The following ASTN2 variants were observed in gnomAD, a reference collection of about 807,000 sequenced individuals.
ASTN2 encodes the protein astrotactin 2, also known as astrotactin-2.
In ASTN2, 54 loss-of-function variants were observed where a neutral mutation model predicts 139.8. That is an observed-to-expected ratio of 0.39 (90% CI 0.31 to 0.48). ASTN2 has a LOEUF of 0.48. Ranked by LOEUF, ASTN2 falls within the 20% of genes least tolerant of loss-of-function variation. ASTN2 has a pLI of 0.95. For synonymous variants in ASTN2, 756 were observed against 719.5 expected (o/e 1.05, Z -0.81); for missense variants, 1,565 against 1,725.1 (o/e 0.91, Z 1.64).
chr9:117,214,664 G>A lies in ASTN2; in HGVS notation c.709C>T (p.Arg237Cys), dbSNP rs773241747. 14 of 1,544,870 alleles carry A rather than the reference G, an allele frequency of 9.1e-6. No homozygotes were observed. The South Asian group carries it at 1.2e-4, about 14-fold the overall frequency. The change falls in exon 3 of 23, where the codon CGC becomes TGC. Residue 237 changes from arginine to cysteine, a missense_variant. Transcript: ENST00000313400. The part of the protein sequence containing the change: ...LYAQRRWQKR[R>C]RIPQKSASTE... ...CTTGCGCTCTTCTGGGGGATGCGGC[G>A]ACGCTTCTGCCAACGTCGCTGGGCG...
intron 3 of ASTN2, among the ~76,000 whole-genome samples, chr9:117,143,817 A>AG (rs923214100): frequency 1.1e-4 from 13 of 114,442 alleles, no homozygotes; most frequent in East Asian, 2.4e-4. Context: ...AGAGAGAGAG[A>AG]AAAAAAAAAC....
intron 11 of ASTN2, among the ~76,000 whole-genome samples, chr9:116,828,756 A>T (rs1831715978): frequency 6.6e-6 from 1 of 152,190 alleles, no homozygotes; most frequent in South Asian, 2.1e-4. Flanking sequence ...GGAAAAGAAG[A>T]AGTCAAATTA....
chr9:117,225,062 T>G (rs535095064), intron 2 of ASTN2, among the ~76,000 whole-genome samples: 3 of 152,264 alleles, frequency 2.0e-5, no homozygotes, highest in South Asian at 2.1e-4. Flanking sequence ...TGAGAGGCAA[T>G]GAAAGGAAGG....
At chr9:116,609,101 A>G (rs1265879212) in intron 19 of ASTN2, among the ~76,000 whole-genome samples, 1 of 152,032 alleles carries the variant, frequency 6.6e-6, no homozygotes, top group African/African-American at 2.4e-5. Context: ...GTAACAACTT[A>G]AAGTGACTGA....
intron 3 of ASTN2, among the ~76,000 whole-genome samples, chr9:117,205,651 A>G (rs1831893619): frequency 6.6e-6 from 1 of 152,192 alleles, no homozygotes. Context: ...GCCTCAGAGG[A>G]GAATCTCAGG....
chr9:117,057,072 T>A (rs1186763274), intron 5 of ASTN2, among the ~76,000 whole-genome samples: 6 of 152,202 alleles, frequency 3.9e-5, no homozygotes, highest in Non-Finnish European at 8.8e-5. Flanking sequence ...GTTGGAACAG[T>A]TACTTAATTT....
At chr9:116,929,972 T>G (rs181143536) in intron 10 of ASTN2, among the ~76,000 whole-genome samples, 1 of 152,188 alleles carries the variant, frequency 6.6e-6, no homozygotes, top group East Asian at 1.9e-4. Context: ...CAGCTGTCAG[T>G]CCCCTGATAC....
intron 19 of ASTN2, among the ~76,000 whole-genome samples, chr9:116,594,931 A>C (rs1370224165): frequency 6.6e-6 from 1 of 152,238 alleles, no homozygotes; most frequent in African/African-American, 2.4e-5. Context: ...TTTTATTAAA[A>C]TAAATAAATA....
At chr9:117,198,268 G>A (rs1308535742) in intron 3 of ASTN2, among the ~76,000 whole-genome samples, 4 of 152,102 alleles carry the variant, frequency 2.6e-5, no homozygotes, top group Non-Finnish European at 4.4e-5. Context: ...TTATGAGTGA[G>A]AACATGTGGG....
chr9:117,052,572 G>C (rs1342747549), intron 5 of ASTN2, among the ~76,000 whole-genome samples: 2 of 152,044 alleles, frequency 1.3e-5, no homozygotes, highest in South Asian at 2.1e-4. Flanking sequence ...AAATTCTGTT[G>C]TTTGCACTCA....
At chr9:117,177,972 C>T (rs1020755689) in intron 3 of ASTN2, among the ~76,000 whole-genome samples, 7 of 152,158 alleles carry the variant, frequency 4.6e-5, no homozygotes, top group Admixed American at 1.3e-4. Context: ...TCCAAGGCCC[C>T]GTGTGATCGG....
At chr9:117,106,447 C>T (rs968642661) in intron 4 of ASTN2, among the ~76,000 whole-genome samples, 2 of 152,020 alleles carry the variant, frequency 1.3e-5, no homozygotes, top group South Asian at 2.1e-4. Context: ...TATCCACCCC[C>T]CTCAGCCTCC....
intron 10 of ASTN2, among the ~76,000 whole-genome samples, chr9:116,965,818 T>C (rs1835996447): frequency 6.6e-6 from 1 of 152,182 alleles, no homozygotes; most frequent in Non-Finnish European, 1.5e-5. Flanking sequence ...GGTAGATGGA[T>C]GGGGTCTTGA....
intron 10 of ASTN2, among the ~76,000 whole-genome samples, chr9:116,957,473 A>G (rs1292088647): frequency 1.3e-5 from 2 of 152,218 alleles, no homozygotes; most frequent in African/African-American, 4.8e-5. Context: ...TGTTCCACTA[A>G]TGTTTTTACA....
intron 2 of ASTN2, among the ~76,000 whole-genome samples, chr9:117,247,615 A>ACAAAAT (rs1564502640): frequency 6.6e-6 from 1 of 152,220 alleles, no homozygotes; most frequent in African/African-American, 2.4e-5. Flanking sequence ...AAAAACAAAA[A>ACAAAAT]CAAAAACTGT....
chr9:117,212,248 A>G (rs1832158698), intron 3 of ASTN2, among the ~76,000 whole-genome samples: 1 of 152,160 alleles, frequency 6.6e-6, no homozygotes, highest in East Asian at 1.9e-4. Flanking sequence ...TTTACCCAAT[A>G]AAAAATTAAT....
intron 22 of ASTN2, among the ~76,000 whole-genome samples, chr9:116,431,935 T>G (rs185109128): frequency 3.9e-4 from 60 of 152,248 alleles, no homozygotes; most frequent in African/African-American, 1.4e-3. Flanking sequence ...AAAGCTAAAG[T>G]CCTCTAAATT....
chr9:116,840,783 G>A (rs1832221932), intron 11 of ASTN2, among the ~76,000 whole-genome samples: 1 of 149,760 alleles, frequency 6.7e-6, no homozygotes, highest in Non-Finnish European at 1.5e-5. Flanking sequence ...GACGATGGGC[G>A]GCAGGGCAGA....
chr9:117,178,033 A>T (rs1441425789), intron 3 of ASTN2, among the ~76,000 whole-genome samples: 1 of 151,942 alleles, frequency 6.6e-6, no homozygotes, highest in African/African-American at 2.4e-5. Context: ...ACCTTTTCTT[A>T]CCCACTCCAT....
Sources: gnomAD v4.1 joint callset for allele counts (sites outside exome capture counted in the v4.1 genomes callset) on GRCh38, gnomAD v4.1.1 for gene constraint, MANE v1.5 for transcripts, NCBI Gene and HGNC (gene_info 2026-07-23, HGNC 2026-07-21) for gene names.